The following EVA1C variants were observed in gnomAD, a reference collection of about 807,000 sequenced individuals.
EVA1C encodes the protein eva-1 homolog C.
Under a neutral mutation model 45.4 loss-of-function variants are expected in EVA1C, and 25 were observed. The observed-to-expected ratio is 0.55, with a 90% CI of 0.40 to 0.77. EVA1C has a LOEUF of 0.77. EVA1C is among the 30% of genes least tolerant of loss of function. The probability of loss-of-function intolerance (pLI) is 0.00; values close to 1 mark genes in which losing one functional copy is unlikely to be tolerated. For missense variants in EVA1C, 479 were observed against 554.8 expected (o/e 0.86, Z 1.37); for synonymous variants, 190 against 221.2 (o/e 0.86, Z 1.25).
chr21:32,427,606 G>A (rs1396905334), intron 1 of EVA1C, among the ~76,000 whole-genome samples: 10 of 152,026 alleles, frequency 6.6e-5, no homozygotes, highest in Non-Finnish European at 1.0e-4. Flanking sequence ...CCAGTTACTC[G>A]GGAGGCTGAG....
At chr21:32,496,695 C>T in intron 5 of EVA1C, 1 of 580,146 alleles carries the variant, frequency 1.7e-6, no homozygotes, top group Non-Finnish European at 3.1e-6. Context: ...CAGGCCTCTT[C>T]ATCAGAGTGT....
At chr21:32,458,611 A>G (rs9984127) in intron 3 of EVA1C, among the ~76,000 whole-genome samples, 8,208 of 151,634 alleles carry the variant, frequency 0.054, 343 homozygotes, top group African/African-American at 0.11. Context: ...CTTCCTGAGT[A>G]ACTGGGACTA....
chr21:32,489,716 C>T (rs986895115), intron 4 of EVA1C, among the ~76,000 whole-genome samples: 1 of 152,156 alleles, frequency 6.6e-6, no homozygotes, highest in Non-Finnish European at 1.5e-5. Flanking sequence ...CATATAAATT[C>T]TTCCAGTCCA....
chr21:32,508,998 T>C (rs1007354702), intron 7 of EVA1C, among the ~76,000 whole-genome samples: 1 of 152,194 alleles, frequency 6.6e-6, no homozygotes, highest in Non-Finnish European at 1.5e-5. Context: ...AAAACTTTGT[T>C]TTTCCAGAAT....
At position 32,471,634 on chromosome 21, in the gene EVA1C, C is replaced by CT. The variant is rs781057685; in HGVS notation, c.634+3799dup. The stretch of plus-strand genomic sequence containing the variant: ...AGCCACTGCGCCCAGCCTCCATTTC[C>CT]TTTTTTTTTTTTTAGACGGAGTCTT... On this transcript the variant is annotated intron_variant, in intron 4 of 7. Transcript: ENST00000300255. Among the ~76,000 whole-genome samples the CT allele has an allele frequency of 9.2e-3, 1,237 of 133,898 alleles. 19 individuals carry two copies. The highest frequency in any genetic ancestry group is 0.041 in the Middle Eastern group (8 of 194). The allele number at this position is 133,898 out of a possible 152,430, so 87.8% of individuals were successfully genotyped here. A position where few individuals can be genotyped will look rare whatever the true frequency, so the allele number is the denominator to read the frequency against.
chr21:32,491,681 C>CAAAAAAA (rs34286023), intron 4 of EVA1C, among the ~76,000 whole-genome samples: 4 of 57,682 alleles, frequency 6.9e-5, no homozygotes, highest in African/African-American at 1.3e-4. Context: ...GAGACTCTGT[C>CAAAAAAA]AAAAAAAAAA....
chr21:32,433,858 C>T (rs1433656928), intron 1 of EVA1C, among the ~76,000 whole-genome samples: 1 of 65,902 alleles, frequency 1.5e-5, no homozygotes, highest in East Asian at 8.1e-4. Flanking sequence ...AATGGGTGTC[C>T]TTATGGAAAG....
chr21:32,432,620 C>T (rs552754001), intron 1 of EVA1C, among the ~76,000 whole-genome samples: 4 of 152,238 alleles, frequency 2.6e-5, no homozygotes, highest in South Asian at 4.1e-4. Flanking sequence ...GCAGGTCTTT[C>T]GTTGCTGCTC....
chr21:32,442,954 T>C (rs1411299038), intron 1 of EVA1C, among the ~76,000 whole-genome samples: 1 of 146,460 alleles, frequency 6.8e-6, no homozygotes, highest in Non-Finnish European at 1.5e-5. Context: ...TTTTTAGGTC[T>C]TAATTATTAG....
chr21:32,423,914 A>T (rs2034390193), intron 1 of EVA1C, among the ~76,000 whole-genome samples: 1 of 152,136 alleles, frequency 6.6e-6, no homozygotes, highest in Non-Finnish European at 1.5e-5. Flanking sequence ...AATACAAATC[A>T]CCTCATCTGG....
chr21:32,462,823 T>A (rs1165603645), intron 3 of EVA1C, among the ~76,000 whole-genome samples: 1 of 152,202 alleles, frequency 6.6e-6, no homozygotes, highest in Non-Finnish European at 1.5e-5. Flanking sequence ...CTTCGGCCCA[T>A]CCCTTTATTT....
At chr21:32,477,039 T>C (rs920203026) in intron 4 of EVA1C, among the ~76,000 whole-genome samples, 1 of 151,978 alleles carries the variant, frequency 6.6e-6, no homozygotes, top group African/African-American at 2.4e-5. Context: ...ATCAAGCACA[T>C]AGACAGTTAC....
chr21:32,419,711 TAAAAACAAAAACAAACA>T (rs1018745370), intron 1 of EVA1C, among the ~76,000 whole-genome samples: 18 of 138,214 alleles, frequency 1.3e-4, no homozygotes, highest in East Asian at 1.1e-3. Flanking sequence ...CGAGTTCCTG[TAAAAACAAAAACAAACA>T]AAAAACAAAA....
At chr21:32,485,250 G>A (rs989544347) in intron 4 of EVA1C, among the ~76,000 whole-genome samples, 2 of 151,926 alleles carry the variant, frequency 1.3e-5, no homozygotes, top group Non-Finnish European at 1.5e-5. Context: ...GCGCAATCTC[G>A]CCTCACTGCA....
chr21:32,449,493 T>C (rs1672265584), intron 1 of EVA1C, among the ~76,000 whole-genome samples: 1 of 152,272 alleles, frequency 6.6e-6, no homozygotes, highest in Non-Finnish European at 1.5e-5. Context: ...ATTGGCTTCT[T>C]TCACTTAGGA....
intron 2 of EVA1C, 71 bp downstream of exon 2, chr21:32,453,579 A>C: frequency 4.3e-6 from 5 of 1,156,910 alleles, no homozygotes; most frequent in Non-Finnish European, 6.1e-6. Flanking sequence ...TCTGGGTATA[A>C]ATATATTTGT....
intron 3 of EVA1C, 141 bp downstream of exon 3, chr21:32,457,861 T>G (rs1157591520): frequency 2.2e-6 from 2 of 896,928 alleles, no homozygotes; most frequent in Non-Finnish European, 1.7e-6. Flanking sequence ...TCCTACCCAG[T>G]TTTTTAGAGA....
intron 5 of EVA1C, among the ~76,000 whole-genome samples, chr21:32,500,128 T>A: frequency 6.6e-6 from 1 of 151,754 alleles, no homozygotes; most frequent in East Asian, 1.9e-4. Context: ...GGGTTTTGAG[T>A]TGGTCACAGT....
At position 32,432,811 on chromosome 21, in the gene EVA1C, C is replaced by T. The variant is rs58533819; in HGVS notation, c.160+19798C>T. ...TCATAGGTCACTGCAGCCTTGACCTCCTGGGCTCAAGCGATCCTCCTGCCT... is the reference window on the plus strand; with the variant it reads ...TCATAGGTCACTGCAGCCTTGACCTTCTGGGCTCAAGCGATCCTCCTGCCT... On this transcript the variant is annotated intron_variant, in intron 1 of 7. Transcript: ENST00000300255. Among the ~76,000 whole-genome samples the T allele has an allele frequency of 8.7e-3, 1,320 of 152,258 alleles. 20 individuals carry two copies. The highest frequency in any genetic ancestry group is 0.031 in the African/African-American group (1,268 of 41,540).
Sources: allele counts gnomAD v4.1 joint callset (sites outside exome capture counted in the v4.1 genomes callset), GRCh38; gene constraint gnomAD v4.1.1; transcripts MANE v1.5; gene names NCBI Gene and HGNC (gene_info 2026-07-23, HGNC 2026-07-21).